Variants in TBC1D19 observed in about 807,000 individuals in gnomAD.
TBC1D19 encodes the protein TBC1 domain family member 19.
A neutral mutation model predicts 89.0 loss-of-function variants in TBC1D19; 60 were observed. That is an observed-to-expected ratio of 0.67 (90% CI 0.55 to 0.84). TBC1D19 has a LOEUF of 0.84. TBC1D19 is among the 40% of genes least tolerant of loss of function. The probability of loss-of-function intolerance (pLI) is 0.00; values close to 1 mark genes in which losing one functional copy is unlikely to be tolerated. For synonymous variants in TBC1D19, 189 were observed against 199.7 expected, an observed-to-expected ratio of 0.95 and a Z score of 0.45; for missense variants, 500 against 610.8, an observed-to-expected ratio of 0.82 and a Z score of 1.91.
chr4:26,816,466 C>T, the TBC1D19 span, among the ~76,000 whole-genome samples: 1 of 152,008 alleles, frequency 6.6e-6, no homozygotes, highest in Admixed American at 6.6e-5. Context: ...TTGCATAATC[C>T]CCAAATATCA....
intron 7 of TBC1D19, among the ~76,000 whole-genome samples, chr4:26,649,548 A>G (rs1000452692): frequency 7.2e-5 from 11 of 152,144 alleles, no homozygotes; most frequent in African/African-American, 2.4e-4. Flanking sequence ...CTAGGCAACC[A>G]CTAATCTACT....
intron 15 of TBC1D19, among the ~76,000 whole-genome samples, chr4:26,721,988 G>C (rs1471624373): frequency 6.6e-6 from 1 of 152,030 alleles, no homozygotes; most frequent in Admixed American, 6.6e-5. Flanking sequence ...CCTTCCTCTA[G>C]ACTCCCATAG....
At chr4:26,839,042 G>A in the TBC1D19 span, among the ~76,000 whole-genome samples, 1 of 152,224 alleles carries the variant, frequency 6.6e-6, no homozygotes, top group Non-Finnish European at 1.5e-5. Context: ...ACAATCGAAT[G>A]GAGGAATGTT....
At chr4:26,592,085 C>T (rs1426502950) in intron 1 of TBC1D19, among the ~76,000 whole-genome samples, 1 of 152,062 alleles carries the variant, frequency 6.6e-6, no homozygotes, top group Non-Finnish European at 1.5e-5. Flanking sequence ...TGCAAAAATC[C>T]TCAATAAAAT....
the TBC1D19 span, among the ~76,000 whole-genome samples, chr4:26,772,194 G>T: frequency 6.7e-6 from 1 of 149,280 alleles, no homozygotes; most frequent in African/African-American, 2.5e-5. Context: ...TAAGGAGTCC[G>T]GCTCCTGGCC....
At chr4:26,653,168 T>G (rs1355760164) in intron 7 of TBC1D19, among the ~76,000 whole-genome samples, 1 of 152,194 alleles carries the variant, frequency 6.6e-6, no homozygotes, top group Non-Finnish European at 1.5e-5. Context: ...TTCCATGTAG[T>G]TGAGCTGTTC....
At chr4:26,624,964 A>G (rs1459519901) in intron 4 of TBC1D19, among the ~76,000 whole-genome samples, 1 of 152,162 alleles carries the variant, frequency 6.6e-6, no homozygotes, top group Non-Finnish European at 1.5e-5. Flanking sequence ...TTAATGAAAA[A>G]GAAGCTTTAA....
chr4:26,623,481 A>AT (rs1201755787), intron 4 of TBC1D19, among the ~76,000 whole-genome samples: 10 of 152,252 alleles, frequency 6.6e-5, no homozygotes, highest in African/African-American at 2.4e-4. Flanking sequence ...TCTCACTTAT[A>AT]TTTTATAAAG....
rs1423148387 is a variant in TBC1D19 at position 26,614,468 on chromosome 4, C to T, written c.218+15C>T. On this transcript the variant is annotated intron_variant, in intron 3 of 20. Transcript: ENST00000264866. ...GAACTGAGTGTGTGAGTTTTCCCAC[C>T]TATTTTACAATAGTATTTTGTTTAG... 6.4e-7 allele frequency: 1 copy of T among 1,572,064 alleles called. No homozygotes were observed. Among genetic ancestry groups the T allele is most frequent in the Non-Finnish European group, 8.6e-7 (1 of 1,157,150 alleles).
At chr4:26,686,385 C>A (rs974408254) in intron 12 of TBC1D19, among the ~76,000 whole-genome samples, 2 of 151,774 alleles carry the variant, frequency 1.3e-5, no homozygotes, top group Non-Finnish European at 2.9e-5. Flanking sequence ...TTGAACCCTC[C>A]CTAAGCTAAT....
the TBC1D19 span, among the ~76,000 whole-genome samples, chr4:26,802,029 G>A: frequency 1.3e-5 from 2 of 151,990 alleles, no homozygotes; most frequent in South Asian, 4.2e-4. Flanking sequence ...AGAAATCTGG[G>A]CCACATTTGT....
At chr4:26,717,162 G>A (rs915909678) in intron 13 of TBC1D19, among the ~76,000 whole-genome samples, 19 of 151,900 alleles carry the variant, frequency 1.3e-4, no homozygotes, top group African/African-American at 3.9e-4. Context: ...CTTGCTGCTA[G>A]TTCAGCCTGA....
rs1311166071 is a variant in TBC1D19 at position 26,576,878 on chromosome 4, T to C, written c.6+81T>C. The C allele has an allele frequency of 6.6e-6, 3 of 455,806 alleles. No individual in the cohort carries two copies. The Admixed American group carries it at 7.0e-5, about 11-fold the overall frequency. The allele number at this position is 455,806 out of a possible 1,614,324, so 28.2% of individuals were successfully genotyped here. ...GTTGTATCTGTTGGGATGGTTAAAA[T>C]TGTGTGTCAAATTGGCTAGGCTATG... On this transcript the variant is annotated intron_variant, in intron 1 of 12. Coordinates refer to the TBC1D19 transcript ENST00000512840.
chr4:26,829,050 C>A, the TBC1D19 span, among the ~76,000 whole-genome samples: 2 of 152,168 alleles, frequency 1.3e-5, no homozygotes, highest in Non-Finnish European at 2.9e-5. Flanking sequence ...GCTTGGGCAT[C>A]CACAGATGCC....
chr4:26,653,699 T>G (rs1349938059), intron 7 of TBC1D19, among the ~76,000 whole-genome samples: 1 of 152,178 alleles, frequency 6.6e-6, no homozygotes, highest in Non-Finnish European at 1.5e-5. Context: ...TTGCAACCCC[T>G]GCCTTTTTTT....
the TBC1D19 span, among the ~76,000 whole-genome samples, chr4:26,840,814 A>G: frequency 1.3e-5 from 2 of 152,164 alleles, no homozygotes; most frequent in Non-Finnish European, 2.9e-5. Flanking sequence ...GATAACGAGC[A>G]TGTGCCAGGG....
chr4:26,774,066 C>T, the TBC1D19 span, among the ~76,000 whole-genome samples: 1 of 152,184 alleles, frequency 6.6e-6, no homozygotes, highest in Non-Finnish European at 1.5e-5. Context: ...TACCCCTTCC[C>T]TTCTCTCACC....
rs971835780 is a variant in TBC1D19 at position 26,596,487 on chromosome 4, T to TGA, written c.99+12203_99+12204dup. The stretch of plus-strand genomic sequence containing the variant: ...GTGTGTGTGTGTGTGTGTGTGTGTG[T>TGA]GAGAGAGAGTGTGTTTGAACAATTT... On this transcript the variant is annotated intron_variant, in intron 1 of 20. Transcript: ENST00000264866. 2.1e-3 allele frequency among the ~76,000 whole-genome samples: 294 copies of TGA among 142,306 alleles called. 1 individual carries two copies. Among genetic ancestry groups the TGA allele is most frequent in the African/African-American group, 6.8e-3 (273 of 40,180 alleles). The allele number at this position is 142,306 out of a possible 152,430, so 93.4% of individuals were successfully genotyped here. A position where few individuals can be genotyped will look rare whatever the true frequency, so the allele number is the denominator to read the frequency against.
chr4:26,764,561 T>C, the TBC1D19 span, among the ~76,000 whole-genome samples: 77 of 152,346 alleles, frequency 5.1e-4, no homozygotes, highest in African/African-American at 1.8e-3. Flanking sequence ...CTTCATCTGC[T>C]TTCATCAGCC....
Sources: allele counts gnomAD v4.1 joint callset (sites outside exome capture counted in the v4.1 genomes callset), GRCh38; gene constraint gnomAD v4.1.1; transcripts MANE v1.5; gene names NCBI Gene and HGNC (gene_info 2026-07-23, HGNC 2026-07-21).